RABL3: variants seen among roughly 807,000 people sequenced by gnomAD.
RABL3 encodes the protein RAB, member of RAS oncogene family like 3.
Under a neutral mutation model 31.8 loss-of-function variants are expected in RABL3, and 31 were observed. That is an observed-to-expected ratio of 0.97 (90% CI 0.73 to 1.31). RABL3 has a LOEUF of 1.31. Ranked by LOEUF, RABL3 falls within the 40% of genes most tolerant of loss-of-function variation. The pLI is 0.00. For missense variants in RABL3, 263 were observed against 279.6 expected (o/e 0.94, Z 0.42); for synonymous variants, 97 against 99.9 (o/e 0.97, Z 0.18).
At position 120,742,503 on chromosome 3, in the gene RABL3, GC is replaced by G; in HGVS notation, c.4del (p.Ala2ArgfsTer6). ...CAGTACCTTCACCCGATCCAGGGAC[GC>G]CATCTTGCCACTGCCTTCCCTGGGT... M[A>X]SLDRVKVLVL... On this transcript the variant is annotated frameshift_variant, in exon 1 of 8. Transcript: ENST00000273375. LOFTEE classifies it high-confidence loss of function. 1 of 1,614,114 alleles carries G rather than the reference GC, an allele frequency of 6.2e-7. No homozygotes were observed. Among genetic ancestry groups the G allele is most frequent in the Non-Finnish European group, 8.5e-7 (1 of 1,179,976 alleles).
rs1021695680 is a variant in RABL3 at position 120,723,927 on chromosome 3, T to C, written c.138+6769A>G. Among the ~76,000 whole-genome samples, 5 of 152,074 alleles carry C rather than the reference T, an allele frequency of 3.3e-5. 1 individual carries two copies. The highest frequency in any genetic ancestry group is 1.2e-4 in the African/African-American group (5 of 41,486). On this transcript the variant is annotated intron_variant, in intron 2 of 7. Transcript: ENST00000273375. ...CCTCTCTCACCACTCCTATTCAACA[T>C]AGTGTTGGAAGTTCTGGCCAGGGCA...
intron 2 of RABL3, among the ~76,000 whole-genome samples, chr3:120,712,158 C>A (rs1289867610): frequency 6.6e-6 from 1 of 151,900 alleles, no homozygotes; most frequent in East Asian, 1.9e-4. Flanking sequence ...ATCCTTTTGG[C>A]CAAGGAAAAA....
intron 1 of RABL3, among the ~76,000 whole-genome samples, chr3:120,732,923 T>G (rs893322591): frequency 3.9e-5 from 6 of 152,182 alleles, no homozygotes; most frequent in Admixed American, 3.9e-4. Flanking sequence ...TAGTATTCCA[T>G]GGTGTATATG....
intron 4 of RABL3, among the ~76,000 whole-genome samples, chr3:120,705,685 T>A (rs1456019975): frequency 1.3e-5 from 2 of 152,194 alleles, no homozygotes; most frequent in Admixed American, 6.5e-5. Context: ...ATGTTTTATA[T>A]AAATGTTTTA....
rs1708341678 is a variant in RABL3, at chr3:120,688,579, A to T, written c.*1244T>A. 6.6e-6 allele frequency: 1 copy of T among 152,236 alleles called. No individual in the cohort carries two copies. The highest frequency in any genetic ancestry group is 1.5e-5 in the Non-Finnish European group (1 of 68,040). 9.4% of individuals were successfully genotyped at this position (152,236 alleles called of 1,614,324 possible). On this transcript the variant is annotated 3_prime_UTR_variant, in exon 8 of 8. Coordinates refer to ENST00000273375, the MANE Select transcript of RABL3 (RefSeq NM_173825.5). The stretch of plus-strand genomic sequence containing the variant: ...GTGTTTTCCACCTATTTTTTAAATG[A>T]GAAATGAAAACTGTATATTTATTAT...
At position 120,689,627 on chromosome 3, in the gene RABL3, G is replaced by T. The variant is rs150043762; in HGVS notation, c.*196C>A. On this transcript the variant is annotated 3_prime_UTR_variant, in exon 8 of 8. Coordinates refer to ENST00000273375, the MANE Select transcript of RABL3 (RefSeq NM_173825.5). ...CTATACACAGGGACAGAAAGGTAAG[G>T]AACACAGAGAACAGGGACAAAGTTT... The T allele has an allele frequency of 1.6e-5, 8 of 513,492 alleles. No homozygotes were observed. Among genetic ancestry groups the T allele is most frequent in the Non-Finnish European group, 2.5e-5 (7 of 285,196 alleles). 31.8% of individuals were successfully genotyped at this position (513,492 alleles called of 1,614,324 possible).
At chr3:120,738,848 G>A (rs908002864) in intron 1 of RABL3, among the ~76,000 whole-genome samples, 3 of 152,146 alleles carry the variant, frequency 2.0e-5, no homozygotes, top group Non-Finnish European at 2.9e-5. Context: ...ATATGCTAGT[G>A]AAAGGTTATT....
In RABL3 at chr3:120,685,929, T is replaced by C. The variant is rs190881823; in HGVS notation, c.*3894A>G. ...TGGAATCTGCATTTTCAGCAAGCAC[T>C]TCAGGGGATTCTTACACACTTCAGA... On this transcript the variant is annotated 3_prime_UTR_variant, in exon 8 of 8. Transcript: ENST00000273375. 5.6e-4 allele frequency among the ~76,000 whole-genome samples: 85 copies of C among 152,314 alleles called. No individual in the cohort carries two copies. Among genetic ancestry groups the C allele is most frequent in the Non-Finnish European group, 6.8e-4 (46 of 68,024 alleles).
chr3:120,715,697 CAT>C (rs1328227810), intron 2 of RABL3, among the ~76,000 whole-genome samples: 2 of 152,046 alleles, frequency 1.3e-5, no homozygotes. Flanking sequence ...TAAATTGCCA[CAT>C]GAGGCTATTG....
chr3:120,731,623 T>A (rs1450722584), intron 1 of RABL3, among the ~76,000 whole-genome samples: 2 of 152,186 alleles, frequency 1.3e-5, no homozygotes, highest in Non-Finnish European at 2.9e-5. Context: ...TGGGGTTCCA[T>A]TATGACAAGC....
chr3:120,742,617 T>C, upstream of RABL3: 1 of 1,098,344 alleles, frequency 9.1e-7, no homozygotes, highest in East Asian at 2.4e-5. Flanking sequence ...AGCGTGACTG[T>C]CTTGATCGAA....
intron 4 of RABL3, among the ~76,000 whole-genome samples, chr3:120,701,633 G>A (rs1180952301): frequency 6.6e-6 from 1 of 152,306 alleles, no homozygotes; most frequent in East Asian, 1.9e-4. Flanking sequence ...AAATATCAAT[G>A]AGGCTTTGAA....
intron 4 of RABL3, among the ~76,000 whole-genome samples, chr3:120,700,267 T>C (rs1708479515): frequency 6.6e-6 from 1 of 152,110 alleles, no homozygotes; most frequent in African/African-American, 2.4e-5. Flanking sequence ...TGCATAATAC[T>C]GGGTGGAAAA....
chr3:120,739,970 G>A (rs1334000720), intron 1 of RABL3, among the ~76,000 whole-genome samples: 2 of 152,126 alleles, frequency 1.3e-5, no homozygotes, highest in African/African-American at 4.8e-5. Flanking sequence ...GAAGTGCTAG[G>A]GAATAATGGC....
chr3:120,734,839 AT>A (rs1226814778), intron 1 of RABL3, among the ~76,000 whole-genome samples: 2 of 152,170 alleles, frequency 1.3e-5, no homozygotes, highest in Non-Finnish European at 2.9e-5. Flanking sequence ...TATATGCTGG[AT>A]TATATTTATT....
intron 6 of RABL3, among the ~76,000 whole-genome samples, chr3:120,693,372 A>G: frequency 6.6e-6 from 1 of 152,246 alleles, no homozygotes; most frequent in East Asian, 1.9e-4. Context: ...AAAGAAAAAA[A>G]TGATTGATAA....
intron 1 of RABL3, among the ~76,000 whole-genome samples, chr3:120,740,853 T>C (rs1164483565): frequency 6.6e-6 from 1 of 152,186 alleles, no homozygotes; most frequent in Non-Finnish European, 1.5e-5. Flanking sequence ...GCTTTACAAC[T>C]AAACCATAAC....
At chr3:120,698,914 C>T (rs1708466885) in intron 4 of RABL3, among the ~76,000 whole-genome samples, 2 of 152,150 alleles carry the variant, frequency 1.3e-5, no homozygotes, top group Admixed American at 6.5e-5. Flanking sequence ...CTAAGGTTAA[C>T]ATAACAGCTC....
intron 2 of RABL3, among the ~76,000 whole-genome samples, chr3:120,715,891 A>T (rs1317214158): frequency 1.3e-5 from 2 of 152,186 alleles, no homozygotes; most frequent in Non-Finnish European, 2.9e-5. Flanking sequence ...CTGTGCTTCA[A>T]TTGCTTCCAC....
Sources: gnomAD v4.1 joint callset for allele counts (sites outside exome capture counted in the v4.1 genomes callset) on GRCh38, gnomAD v4.1.1 for gene constraint, MANE v1.5 for transcripts, NCBI Gene and HGNC (gene_info 2026-07-23, HGNC 2026-07-21) for gene names.